The following HFM1 variants were observed in gnomAD, a reference collection of about 807,000 sequenced individuals.
HFM1 encodes probable ATP-dependent DNA helicase HFM1.
HFM1 carries 169 observed loss-of-function variants against 192.1 expected under a neutral mutation model. That is an observed-to-expected ratio of 0.88 (90% CI 0.78 to 1.00). The LOEUF (loss-of-function observed/expected upper bound fraction) is 1.00. HFM1 is among the 50% of genes least tolerant of loss of function. HFM1 has a pLI of 0.00. For synonymous variants in HFM1, 525 were observed against 537.8 expected (o/e 0.98, Z 0.33); for missense variants, 1,661 against 1,668.0 (o/e 1.00, Z 0.07).
At position 91,403,030 on chromosome 1, in the gene HFM1, A is replaced by G. The variant is rs550977734; in HGVS notation, c.-28+1768T>C. On this transcript the variant is annotated intron_variant, in intron 1 of 38. Transcript: ENST00000370425. The stretch of plus-strand genomic sequence containing the variant: ...GGTTCAGAATAAAAATATCATGTAC[A>G]TATTTTAGTTCTTATATACTCCTGT... Among the ~76,000 whole-genome samples, 20 of 139,876 alleles carry G rather than the reference A, an allele frequency of 1.4e-4. No individual in the cohort carries two copies. The South Asian group carries it at 4.9e-3, about 34-fold the overall frequency. 91.8% of individuals were successfully genotyped at this position (139,876 alleles called of 152,430 possible). A position where few individuals can be genotyped will look rare whatever the true frequency, so the allele number is the denominator to read the frequency against.
chr1:91,385,784 T>C lies in HFM1; in HGVS notation c.545A>G (p.Asn182Ser), dbSNP rs1489051593. 3.1e-6 allele frequency: 5 copies of C among 1,607,816 alleles called. No individual in the cohort carries two copies. Among genetic ancestry groups the C allele is most frequent in the Middle Eastern group, 1.6e-4 (1 of 6,068 alleles). The stretch of plus-strand genomic sequence containing the variant: ...TGAGCCAATGTGAGAGTCCAATTCA[T>C]TGTCATTAGAATAAGCACTCCCATG... ...NIHGSAYSND[N>S]ELDSHIGSVK... Residue 182 changes from asparagine to serine, a missense_variant, in exon 5 of 39, where the codon AAT (asparagine) becomes AGT (serine). Coordinates refer to ENST00000370425, the MANE Select transcript of HFM1 (RefSeq NM_001017975.6).
At chr1:91,290,073 C>T (rs979397448) in intron 30 of HFM1, among the ~76,000 whole-genome samples, 12 of 152,012 alleles carry the variant, frequency 7.9e-5, no homozygotes, top group Non-Finnish European at 1.3e-4. Flanking sequence ...AAGGAACAAT[C>T]GGTACCAGCC....
chr1:91,315,008 T>C (rs1383171620), intron 28 of HFM1, among the ~76,000 whole-genome samples: 1 of 152,220 alleles, frequency 6.6e-6, no homozygotes, highest in Non-Finnish European at 1.5e-5. Flanking sequence ...ATCACTGCCA[T>C]TCCTGAACTT....
At chr1:91,299,115 CA>C (rs1381779880) in intron 30 of HFM1, among the ~76,000 whole-genome samples, 2 of 151,580 alleles carry the variant, frequency 1.3e-5, no homozygotes, top group African/African-American at 4.8e-5. Context: ...AAATGGAAAA[CA>C]AAAAAAGGCA....
chr1:91,400,477 A>C (rs1329027036), intron 2 of HFM1, among the ~76,000 whole-genome samples: 1 of 124,962 alleles, frequency 8.0e-6, no homozygotes, highest in Non-Finnish European at 1.6e-5. Context: ...AATAGGCAAG[A>C]ATCTTTTTTT....
chr1:91,326,642 G>C (rs967966641), intron 20 of HFM1, among the ~76,000 whole-genome samples: 3 of 152,160 alleles, frequency 2.0e-5, no homozygotes, highest in African/African-American at 7.2e-5. Flanking sequence ...GAAAGAAAAG[G>C]ATGTTAATAA....
intron 35 of HFM1, among the ~76,000 whole-genome samples, chr1:91,267,303 G>A (rs1665857511): frequency 6.6e-6 from 1 of 152,046 alleles, no homozygotes; most frequent in Admixed American, 6.6e-5. Context: ...ACTTCAAGCT[G>A]AAAGTCCATA....
intron 20 of HFM1, among the ~76,000 whole-genome samples, chr1:91,337,149 G>GGT (rs764817423): frequency 3.3e-5 from 5 of 152,138 alleles, no homozygotes; most frequent in Non-Finnish European, 5.9e-5. Flanking sequence ...CACAGGTGAT[G>GGT]GTATGATCTG....
intron 20 of HFM1, among the ~76,000 whole-genome samples, chr1:91,342,104 C>A (rs2462599): frequency 8.0e-6 from 1 of 124,478 alleles, no homozygotes; most frequent in African/African-American, 3.0e-5. Context: ...CAGCATCATT[C>A]TGATACCAAA....
intron 30 of HFM1, among the ~76,000 whole-genome samples, chr1:91,311,544 T>TGAACC (rs529959679): frequency 5.3e-5 from 8 of 151,496 alleles, no homozygotes; most frequent in Non-Finnish European, 7.4e-5. Flanking sequence ...GAGAATTGCT[T>TGAACC]GAACCCAGGA....
chr1:91,386,302 G>A (rs953555585), intron 4 of HFM1, among the ~76,000 whole-genome samples: 1 of 152,158 alleles, frequency 6.6e-6, no homozygotes, highest in Non-Finnish European at 1.5e-5. Flanking sequence ...GGCCCAGGTG[G>A]AGAGGTACTG....
intron 13 of HFM1, among the ~76,000 whole-genome samples, chr1:91,359,835 T>C (rs1171404242): frequency 3.3e-5 from 5 of 151,996 alleles, no homozygotes; most frequent in African/African-American, 7.3e-5. Context: ...TTCTCCAACG[T>C]TGAAATGAAA....
intron 13 of HFM1, among the ~76,000 whole-genome samples, chr1:91,359,879 G>A (rs1178812089): frequency 1.3e-5 from 2 of 152,152 alleles, no homozygotes; most frequent in African/African-American, 2.4e-5. Flanking sequence ...GAGAAAGTCA[G>A]GTCACCTACA....
intron 23 of HFM1, among the ~76,000 whole-genome samples, 157 bp downstream of exon 23, chr1:91,322,793 C>G (rs1375236220): frequency 6.6e-6 from 1 of 152,142 alleles, no homozygotes; most frequent in Non-Finnish European, 1.5e-5. Context: ...AAAGCATTCA[C>G]AAATCATCAA....
chr1:91,363,115 G>A (rs1001310365), intron 13 of HFM1, among the ~76,000 whole-genome samples: 13 of 152,016 alleles, frequency 8.6e-5, no homozygotes, highest in African/African-American at 1.7e-4. Context: ...TCATAGGCAC[G>A]GGCAAAGATT....
chr1:91,319,520 T>C, intron 23 of HFM1, 130 bp from the exon 24 acceptor site: 1 of 568,082 alleles, frequency 1.8e-6, no homozygotes. Context: ...TACATGATTA[T>C]CTTGCATAAT....
intron 23 of HFM1, among the ~76,000 whole-genome samples, chr1:91,321,716 C>T (rs547545821): frequency 7.9e-5 from 12 of 151,876 alleles, no homozygotes; most frequent in African/African-American, 2.2e-4. Context: ...TGCACAAAGG[C>T]GGGAAATGAT....
chr1:91,401,166 T>G, intron 1 of HFM1, 57 bp from the exon 2 acceptor site: 1 of 762,026 alleles, frequency 1.3e-6, no homozygotes, highest in Non-Finnish European at 2.1e-6. Flanking sequence ...AAAAAAATAT[T>G]TCTGTATAAT....
intron 32 of HFM1, 151 bp from the exon 33 acceptor site, chr1:91,274,960 A>C (rs1570741224): frequency 2.2e-6 from 1 of 448,072 alleles, no homozygotes. Flanking sequence ...CGAATATTTC[A>C]CTCAGGCCCT....
Sources: gnomAD v4.1 joint callset for allele counts (sites outside exome capture counted in the v4.1 genomes callset) on GRCh38, gnomAD v4.1.1 for gene constraint, MANE v1.5 for transcripts, NCBI Gene and HGNC (gene_info 2026-07-23, HGNC 2026-07-21) for gene names.